ENKUR: variants seen among roughly 807,000 people sequenced by gnomAD.
The protein encoded by ENKUR is enkurin, TRPC channel interacting protein, also known as enkurin.
A neutral mutation model predicts 27.6 loss-of-function variants in ENKUR; 19 were observed. That is an observed-to-expected ratio of 0.69 (90% CI 0.48 to 1.01). The LOEUF (loss-of-function observed/expected upper bound fraction) is 1.01, where lower values mean the gene tolerates loss of function less well. Ranked by LOEUF, ENKUR falls within the 50% of genes least tolerant of loss-of-function variation. The pLI is 0.00. For synonymous variants in ENKUR, 117 were observed against 96.9 expected (o/e 1.21, Z -1.22); for missense variants, 312 against 310.5 (o/e 1.00, Z -0.04).
chr10:25,003,040 C>T (rs1361831737), intron 1 of ENKUR, among the ~76,000 whole-genome samples: 1 of 151,806 alleles, frequency 6.6e-6, no homozygotes, highest in Non-Finnish European at 1.5e-5. Context: ...AAATAAGATA[C>T]TCTATTTTAT....
chr10:25,016,986 G>C (rs76554366), upstream of ENKUR, among the ~76,000 whole-genome samples: 3,796 of 152,240 alleles, frequency 0.025, 61 homozygotes, highest in Non-Finnish European at 0.036. Context: ...GTGCGCGCAC[G>C]GGGCCCGCGG....
chr10:25,025,189 A>C, intron 2 of ENKUR: 1 of 1,614,234 alleles, frequency 6.2e-7, no homozygotes, highest in Non-Finnish European at 8.5e-7. Flanking sequence ...GGTGCAAGAC[A>C]AAACTTGCCC....
intron 2 of ENKUR, among the ~76,000 whole-genome samples, chr10:25,039,141 A>C (rs1851036472): frequency 6.6e-6 from 1 of 152,264 alleles, no homozygotes; most frequent in Non-Finnish European, 1.5e-5. Flanking sequence ...TAAGTGTCAG[A>C]ATGACAAAGC....
Position 25,008,627 on chromosome 10 carries a change from T to A in ENKUR, c.77+7233A>T, listed in dbSNP as rs560102063. Reference sequence around the variant, plus strand: ...AAACAGAACCACATTAAACAAAAACTAATGCTGTTCACTGCATTAAATACA... The same window carrying A: ...AAACAGAACCACATTAAACAAAAACAAATGCTGTTCACTGCATTAAATACA... On this transcript the variant is annotated intron_variant, in intron 1 of 5. Coordinates refer to ENST00000331161, the MANE Select transcript of ENKUR (RefSeq NM_145010.4). Among the ~76,000 whole-genome samples the A allele has an allele frequency of 2.0e-5, 3 of 152,342 alleles. No individual in the cohort carries two copies. The South Asian group carries it at 6.2e-4, about 32-fold the overall frequency.
intron 4 of ENKUR, among the ~76,000 whole-genome samples, chr10:24,986,319 T>C (rs1849777418): frequency 6.6e-6 from 1 of 152,046 alleles, no homozygotes. Flanking sequence ...ATAGAAGAGG[T>C]TGGTTGGGGA....
In ENKUR at chr10:24,984,815, T is replaced by C. The variant is rs33980615; in HGVS notation, c.685A>G (p.Arg229Gly). ...AGTTGTTTCATTTCTTCTTCCAGCC[T>C]CTGCTTGCGGATCTTCTTTGGTATA... ...DSIPKKIRKQ[R>G]LEEEMKQLEH... The change falls in exon 5 of 6, where the codon AGG becomes GGG. Residue 229 changes from arginine to glycine, a missense_variant. Transcript: ENST00000331161. 8,952 of 1,613,864 alleles carry C rather than the reference T, an allele frequency of 5.5e-3. 29 individuals carry two copies. Among genetic ancestry groups the C allele is most frequent in the Non-Finnish European group, 6.3e-3 (7,490 of 1,179,872 alleles).
rs568933772 is a variant in ENKUR, at chr10:25,056,267, AG to A, written c.37+4844del. Among the ~76,000 whole-genome samples, 14 of 152,326 alleles carry A rather than the reference AG, an allele frequency of 9.2e-5. No homozygotes were observed. The East Asian group carries it at 2.7e-3, about 29-fold the overall frequency. On this transcript the variant is annotated intron_variant, in intron 2 of 5. Coordinates refer to the ENKUR transcript ENST00000615958. ...ATGTCACTCATATGCCATGAACTAT[AG>A]GCTGTATACAGAGATGACAATACCT... is the stretch of plus-strand genomic sequence containing the variant.
chr10:25,059,498 C>A (rs1564359932), intron 2 of ENKUR, among the ~76,000 whole-genome samples: 1 of 152,122 alleles, frequency 6.6e-6, no homozygotes, highest in Non-Finnish European at 1.5e-5. Context: ...TAAAAAAATT[C>A]ATATGGTAAA....
intron 1 of ENKUR, among the ~76,000 whole-genome samples, chr10:25,013,856 C>T (rs565225489): frequency 9.2e-5 from 14 of 152,034 alleles, no homozygotes; most frequent in Admixed American, 2.6e-4. Flanking sequence ...GCAGGAGAAT[C>T]GCTTGAACCC....
chr10:25,038,437 C>G (rs1291016732), intron 2 of ENKUR, among the ~76,000 whole-genome samples: 1 of 152,204 alleles, frequency 6.6e-6, no homozygotes, highest in Admixed American at 6.5e-5. Context: ...CATAGGCTTA[C>G]AATTTAACTT....
upstream of ENKUR, among the ~76,000 whole-genome samples, chr10:25,016,322 T>C (rs531976599): frequency 6.6e-6 from 1 of 152,322 alleles, no homozygotes; most frequent in South Asian, 2.1e-4. Context: ...GAAAATGATG[T>C]CCCCTTAAAA....
rs201070755 is a variant in ENKUR at position 25,007,415 on chromosome 10, CTTAT to C, written c.78-7873_78-7870del. On this transcript the variant is annotated intron_variant, in intron 1 of 5. Coordinates refer to ENST00000331161, the MANE Select transcript of ENKUR (RefSeq NM_145010.4). ...ACCACGTTATATTATGTATAGGTTT[CTTAT>C]TTATTTATTTATTTGTTTGTTTGTT... 9.5e-3 allele frequency among the ~76,000 whole-genome samples: 1,437 copies of C among 152,040 alleles called. 20 individuals carry two copies. The highest frequency in any genetic ancestry group is 0.03 in the African/African-American group (1,256 of 41,466).
chr10:24,994,776 C>T (rs1850007370), intron 3 of ENKUR, among the ~76,000 whole-genome samples: 1 of 152,066 alleles, frequency 6.6e-6, no homozygotes, highest in African/African-American at 2.4e-5. Flanking sequence ...AATCCCAGCA[C>T]TTTGGGAGGC....
chr10:25,014,789 A>C (rs1327015508), intron 1 of ENKUR, among the ~76,000 whole-genome samples: 1 of 152,166 alleles, frequency 6.6e-6, no homozygotes, highest in Non-Finnish European at 1.5e-5. Context: ...GCTAATGGAG[A>C]TGTAATACAG....
At chr10:25,039,284 C>T (rs1851037409) in intron 2 of ENKUR, among the ~76,000 whole-genome samples, 1 of 152,060 alleles carries the variant, frequency 6.6e-6, no homozygotes, top group South Asian at 2.1e-4. Context: ...TACTGTCATT[C>T]AAAATGATTG....
chr10:25,060,601 A>G (rs1433594806), intron 2 of ENKUR, among the ~76,000 whole-genome samples: 3 of 152,200 alleles, frequency 2.0e-5, no homozygotes, highest in Non-Finnish European at 4.4e-5. Context: ...ATCTTCAATT[A>G]TAAAGTTTGA....
intron 2 of ENKUR, among the ~76,000 whole-genome samples, chr10:25,032,657 G>C (rs1850949918): frequency 6.6e-6 from 1 of 152,064 alleles, no homozygotes; most frequent in Non-Finnish European, 1.5e-5. Context: ...GTCCTAATCA[G>C]CCAAATTTTG....
chr10:24,999,293 G>A (rs1036434060), intron 2 of ENKUR, 108 bp downstream of exon 2: 24 of 1,091,922 alleles, frequency 2.2e-5, no homozygotes, highest in Non-Finnish European at 2.5e-5. Context: ...TTAATATGAG[G>A]TAAAGCTGCT....
chr10:24,992,028 A>G (rs1413094570), intron 3 of ENKUR, among the ~76,000 whole-genome samples: 1 of 152,150 alleles, frequency 6.6e-6, no homozygotes, highest in African/African-American at 2.4e-5. Context: ...GAATAAGGGA[A>G]TTTTCCCATG....
Sources: gnomAD v4.1 joint callset for allele counts (sites outside exome capture counted in the v4.1 genomes callset) on GRCh38, gnomAD v4.1.1 for gene constraint, MANE v1.5 for transcripts, NCBI Gene and HGNC (gene_info 2026-07-23, HGNC 2026-07-21) for gene names.